Variants in KIAA0825 observed in about 807,000 individuals in gnomAD.
KIAA0825 encodes uncharacterized protein KIAA0825.
In KIAA0825, 119 loss-of-function variants were observed where a neutral mutation model predicts 147.6. That is an observed-to-expected ratio of 0.81 (90% CI 0.69 to 0.94). KIAA0825 has a LOEUF of 0.94. Among genes scored for constraint, KIAA0825 ranks in the 40% least tolerant of loss-of-function variants. KIAA0825 has a pLI of 0.00. For missense variants in KIAA0825, 1,381 were observed against 1,472.7 expected (o/e 0.94, Z 1.02); for synonymous variants, 470 against 518.1 (o/e 0.91, Z 1.26).
At chr5:94,527,263 GCTGATTAATATTGAA>G (rs1380510712) in intron 3 of KIAA0825, among the ~76,000 whole-genome samples, 1 of 151,988 alleles carries the variant, frequency 6.6e-6, no homozygotes, top group Non-Finnish European at 1.5e-5. Flanking sequence ...CAGTCCGGGA[GCTGATTAATATTGAA>G]CTGGTACAGT....
At chr5:94,383,092 A>G (rs1245873798) in intron 20 of KIAA0825, among the ~76,000 whole-genome samples, 4 of 152,084 alleles carry the variant, frequency 2.6e-5, no homozygotes, top group African/African-American at 9.7e-5. Context: ...ACCTCTCCAA[A>G]TATCTTTGGG....
At chr5:94,350,863 G>A (rs974468045) in intron 20 of KIAA0825, among the ~76,000 whole-genome samples, 3 of 151,494 alleles carry the variant, frequency 2.0e-5, no homozygotes, top group Admixed American at 6.6e-5. Flanking sequence ...TCTGAGAACT[G>A]GAACAAGACA....
intron 20 of KIAA0825, among the ~76,000 whole-genome samples, chr5:94,288,527 A>G (rs1235102198): frequency 6.6e-6 from 1 of 152,190 alleles, no homozygotes; most frequent in African/African-American, 2.4e-5. Flanking sequence ...TAATTAGAAT[A>G]GGGATATTCA....
intron 5 of KIAA0825, among the ~76,000 whole-genome samples, chr5:94,494,037 T>C (rs564123838): frequency 6.6e-6 from 1 of 152,280 alleles, no homozygotes; most frequent in African/African-American, 2.4e-5. Flanking sequence ...CCTAAGTGGC[T>C]AAAAAGGGTG....
intron 20 of KIAA0825, among the ~76,000 whole-genome samples, chr5:94,275,252 G>A (rs1003399830): frequency 1.3e-5 from 2 of 152,132 alleles, no homozygotes; most frequent in African/African-American, 2.4e-5. Flanking sequence ...GTACTTCGGA[G>A]AGTTGTTGGA....
At chr5:94,281,894 C>T (rs1777485373) in intron 20 of KIAA0825, among the ~76,000 whole-genome samples, 1 of 152,066 alleles carries the variant, frequency 6.6e-6, no homozygotes, top group African/African-American at 2.4e-5. Context: ...AAACTGCCCA[C>T]CTCTTATCTT....
intron 20 of KIAA0825, among the ~76,000 whole-genome samples, chr5:94,298,925 T>C (rs1042772565): frequency 6.6e-6 from 1 of 152,152 alleles, no homozygotes; most frequent in Non-Finnish European, 1.5e-5. Context: ...TTTCCTTTTT[T>C]ATCAGCTCTT....
At chr5:94,272,534 A>C (rs191956765) in intron 20 of KIAA0825, among the ~76,000 whole-genome samples, 1 of 152,130 alleles carries the variant, frequency 6.6e-6, no homozygotes, top group East Asian at 1.9e-4. Context: ...ACATAATACA[A>C]ATTTTATTAT....
chr5:94,479,646 C>T (rs1280872657), intron 6 of KIAA0825, among the ~76,000 whole-genome samples: 33 of 152,034 alleles, frequency 2.2e-4, no homozygotes, highest in Admixed American at 2.2e-3. Context: ...TATGGTAAAA[C>T]TATGTTTAGC....
rs990599301 is a variant in KIAA0825, at chr5:94,151,676, G to T, written c.*2331C>A. Among the ~76,000 whole-genome samples the T allele has an allele frequency of 2.6e-5, 4 of 151,994 alleles. No homozygotes were observed. Among genetic ancestry groups the T allele is most frequent in the African/African-American group, 7.2e-5 (3 of 41,386 alleles). ...TCTTTCAAAAGGGAGCCACAGAAAAGATTTTTTCTGGAGGAGCAAAATTAC... is the reference window on the plus strand; with the variant it reads ...TCTTTCAAAAGGGAGCCACAGAAAATATTTTTTCTGGAGGAGCAAAATTAC... On this transcript the variant is annotated 3_prime_UTR_variant, in exon 21 of 21. Transcript: ENST00000682413.
intron 20 of KIAA0825, among the ~76,000 whole-genome samples, chr5:94,379,097 T>C (rs10476606): frequency 0.015 from 2,291 of 152,346 alleles, 74 homozygotes; most frequent in African/African-American, 0.053. Context: ...GTGCAGAAGC[T>C]CTTTTGTTTA....
At chr5:94,448,561 T>C (rs922297306) in intron 13 of KIAA0825, among the ~76,000 whole-genome samples, 1 of 152,162 alleles carries the variant, frequency 6.6e-6, no homozygotes, top group South Asian at 2.1e-4. Context: ...AGTAAGCAAA[T>C]AGATGAATAA....
chr5:94,512,086 A>G (rs17083764), intron 5 of KIAA0825, among the ~76,000 whole-genome samples: 11,154 of 152,224 alleles, frequency 0.073, 1,382 homozygotes, highest in African/African-American at 0.26. Flanking sequence ...CATAATTACA[A>G]TGAAAAATAT....
chr5:94,304,683 T>C (rs143006567), intron 20 of KIAA0825, among the ~76,000 whole-genome samples: 110 of 152,060 alleles, frequency 7.2e-4, no homozygotes, highest in Admixed American at 2.1e-3. Context: ...ACACATACAA[T>C]TGGCCTCAGA....
intron 4 of KIAA0825, among the ~76,000 whole-genome samples, chr5:94,521,980 A>C (rs1040966778): frequency 5.9e-5 from 9 of 151,718 alleles, no homozygotes; most frequent in Admixed American, 5.9e-4. Context: ...TCTCTCATTC[A>C]CTGTAAGCAC....
chr5:94,514,622 A>G (rs1766950128), intron 5 of KIAA0825, among the ~76,000 whole-genome samples: 1 of 152,222 alleles, frequency 6.6e-6, no homozygotes, highest in African/African-American at 2.4e-5. Context: ...CTGTATCTAT[A>G]AAATAGGGAC....
chr5:94,534,954 G>A (rs191203170), intron 3 of KIAA0825, among the ~76,000 whole-genome samples: 51 of 151,892 alleles, frequency 3.4e-4, no homozygotes, highest in Admixed American at 1.6e-3. Context: ...TAGAAACTGC[G>A]TCATAAAATA....
chr5:94,171,489 T>C (rs1271569693), intron 20 of KIAA0825, among the ~76,000 whole-genome samples: 1 of 152,224 alleles, frequency 6.6e-6, no homozygotes, highest in African/African-American at 2.4e-5. Context: ...GTAAGTTGTA[T>C]GAGGGTAGAG....
intron 20 of KIAA0825, among the ~76,000 whole-genome samples, chr5:94,300,414 G>C (rs1400842850): frequency 1.3e-5 from 2 of 151,876 alleles, no homozygotes; most frequent in Non-Finnish European, 2.9e-5. Context: ...TAATTTATTT[G>C]AATTAAATTT....
Sources: gnomAD v4.1 joint callset for allele counts (sites outside exome capture counted in the v4.1 genomes callset) on GRCh38, gnomAD v4.1.1 for gene constraint, MANE v1.5 for transcripts, NCBI Gene and HGNC (gene_info 2026-07-23, HGNC 2026-07-21) for gene names.